Variants in PITPNC1 observed in about 807,000 individuals in gnomAD.
The protein encoded by PITPNC1 is phosphatidylinositol transfer protein cytoplasmic 1.
A neutral mutation model predicts 44.7 loss-of-function variants in PITPNC1; 18 were observed. The observed-to-expected ratio is 0.40, with a 90% CI of 0.28 to 0.60. The LOEUF is 0.60. Among genes scored for constraint, PITPNC1 ranks in the 20% least tolerant of loss-of-function variants. The pLI is 0.39. For synonymous variants in PITPNC1, 141 were observed against 149.6 expected (o/e 0.94, Z 0.42); for missense variants, 290 against 418.4 (o/e 0.69, Z 2.68).
At chr17:67,498,829 C>T (rs1340553332) in intron 1 of PITPNC1, among the ~76,000 whole-genome samples, 1 of 149,924 alleles carries the variant, frequency 6.7e-6, no homozygotes, top group Non-Finnish European at 1.5e-5. Flanking sequence ...TACTCATGTA[C>T]TCACTAGTCA....
rs200207207 is a variant in PITPNC1 at position 67,669,503 on chromosome 17, T to A, written c.463-5T>A. The A allele has an allele frequency of 2.0e-6, 3 of 1,504,328 alleles. No individual in the cohort carries two copies. The highest frequency in any genetic ancestry group is 2.9e-5 in the African/African-American group (2 of 68,742). The allele number at this position is 1,504,328 out of a possible 1,614,324, so 93.2% of individuals were successfully genotyped here. On this transcript the variant is annotated splice_region_variant and splice_polypyrimidine_tract_variant and intron_variant, in intron 6 of 8. Coordinates refer to ENST00000581322, the MANE Select transcript of PITPNC1 (RefSeq NM_012417.4). Reference sequence around the variant, plus strand: ...TATCAATTTCTTTGATTTTTTTTTTTCTAGGATCCTAAGCACTTCAAGTCA... The same window carrying A: ...TATCAATTTCTTTGATTTTTTTTTTACTAGGATCCTAAGCACTTCAAGTCA...
At chr17:67,602,877 CA>C (rs1448130669) in intron 5 of PITPNC1, among the ~76,000 whole-genome samples, 1 of 152,130 alleles carries the variant, frequency 6.6e-6, no homozygotes, top group South Asian at 2.1e-4. Flanking sequence ...GCTGGAACTA[CA>C]GGTGCATACC....
intron 1 of PITPNC1, among the ~76,000 whole-genome samples, chr17:67,517,574 T>C (rs1000085835): frequency 2.6e-5 from 4 of 152,232 alleles, no homozygotes; most frequent in Non-Finnish European, 5.9e-5. Flanking sequence ...TGGAATATTA[T>C]TCAGTAATAA....
At chr17:67,436,380 G>A (rs977512801) in intron 1 of PITPNC1, among the ~76,000 whole-genome samples, 4 of 152,058 alleles carry the variant, frequency 2.6e-5, no homozygotes, top group African/African-American at 9.7e-5. Flanking sequence ...TTATCTAAGC[G>A]ACAATCTGAG....
At chr17:67,531,175 G>A (rs566004931) in intron 1 of PITPNC1, among the ~76,000 whole-genome samples, 5 of 152,158 alleles carry the variant, frequency 3.3e-5, no homozygotes, top group African/African-American at 4.8e-5. Flanking sequence ...CCTGGGAGGC[G>A]GAGGTTGCAA....
intron 1 of PITPNC1, chr17:67,378,965 C>G: frequency 1.0e-6 from 1 of 985,170 alleles, no homozygotes; most frequent in Non-Finnish European, 1.2e-6. Flanking sequence ...GGCGGGGGCT[C>G]GTCCTCCAAG....
At chr17:67,405,890 A>T (rs530667802) in intron 1 of PITPNC1, among the ~76,000 whole-genome samples, 3 of 152,236 alleles carry the variant, frequency 2.0e-5, no homozygotes, top group African/African-American at 7.2e-5. Flanking sequence ...TACAAGTGTG[A>T]GCCACCATGC....
At chr17:67,441,460 T>A (rs1567991081) in intron 1 of PITPNC1, among the ~76,000 whole-genome samples, 1 of 152,148 alleles carries the variant, frequency 6.6e-6, no homozygotes, top group African/African-American at 2.4e-5. Context: ...AGACGGAAGC[T>A]AACATAAGCA....
intron 2 of PITPNC1, among the ~76,000 whole-genome samples, chr17:67,541,071 C>G (rs2040599544): frequency 6.6e-6 from 1 of 152,072 alleles, no homozygotes; most frequent in African/African-American, 2.4e-5. Flanking sequence ...AAAAATTCGC[C>G]AGGAGCGGTG....
At chr17:67,575,819 T>TTTCTTTCTTTCCTTCCTTCC (rs1555669446) in intron 4 of PITPNC1, among the ~76,000 whole-genome samples, 19 of 108,534 alleles carry the variant, frequency 1.8e-4, no homozygotes, top group African/African-American at 6.5e-4. Flanking sequence ...TCTTTCTTTC[T>TTTCTTTCTTTCCTTCCTTCC]TTCCTTCCTT....
At chr17:67,643,129 G>A (rs920832070) in intron 6 of PITPNC1, among the ~76,000 whole-genome samples, 9 of 152,204 alleles carry the variant, frequency 5.9e-5, no homozygotes, top group African/African-American at 2.2e-4. Flanking sequence ...GCCAGGTGCA[G>A]TGGCTCACGC....
intron 1 of PITPNC1, among the ~76,000 whole-genome samples, chr17:67,506,961 T>A (rs2040112124): frequency 6.6e-6 from 1 of 152,216 alleles, no homozygotes; most frequent in Admixed American, 6.5e-5. Flanking sequence ...AGTTTCCTTA[T>A]TCTAATTTTT....
At chr17:67,642,738 C>T (rs145184798) in intron 6 of PITPNC1, among the ~76,000 whole-genome samples, 26 of 152,198 alleles carry the variant, frequency 1.7e-4, no homozygotes, top group African/African-American at 6.3e-4. Context: ...TTCTCTTGGC[C>T]TAATAATGCG....
At position 67,694,101 on chromosome 17, in the gene PITPNC1, A is replaced by G. The variant is rs1043218963; in HGVS notation, c.*1213A>G. The G allele has an allele frequency of 3.3e-5, 5 of 152,182 alleles. No individual in the cohort carries two copies. Among genetic ancestry groups the G allele is most frequent in the African/African-American group, 1.2e-4 (5 of 41,444 alleles). 9.4% of individuals were successfully genotyped at this position (152,182 alleles called of 1,614,324 possible). On this transcript the variant is annotated 3_prime_UTR_variant, in exon 9 of 9. Coordinates refer to ENST00000581322, the MANE Select transcript of PITPNC1 (RefSeq NM_012417.4). ...CCTTCTGTCTAGCTTTCCTTTCTTC[A>G]ACTAGTGGTAATGCAAGATTAGAAT... is the stretch of plus-strand genomic sequence containing the variant.
intron 1 of PITPNC1, among the ~76,000 whole-genome samples, chr17:67,439,570 C>A (rs1226195528): frequency 6.6e-6 from 1 of 152,004 alleles, no homozygotes; most frequent in African/African-American, 2.4e-5. Context: ...CAGCCTTGGG[C>A]GGGGGCCTGA....
chr17:67,404,489 G>A (rs1380237632), intron 1 of PITPNC1, among the ~76,000 whole-genome samples: 1 of 152,148 alleles, frequency 6.6e-6, no homozygotes, highest in Non-Finnish European at 1.5e-5. Flanking sequence ...GAGAATGTGT[G>A]ATAATCTAAA....
intron 1 of PITPNC1, among the ~76,000 whole-genome samples, chr17:67,436,968 G>A (rs1377562099): frequency 4.6e-5 from 6 of 130,544 alleles, no homozygotes; most frequent in Non-Finnish European, 7.7e-5. Flanking sequence ...TGCCCAGGCT[G>A]GAGTACAGTG....
At chr17:67,610,422 T>G (rs2041672449) in intron 5 of PITPNC1, among the ~76,000 whole-genome samples, 1 of 152,220 alleles carries the variant, frequency 6.6e-6, no homozygotes, top group African/African-American at 2.4e-5. Context: ...GGAAATTGTT[T>G]TTCCTAATTT....
At position 67,562,593 on chromosome 17, in the gene PITPNC1, T is replaced by C. The variant is rs76979644; in HGVS notation, c.294+8976T>C. Among the ~76,000 whole-genome samples, 398 of 152,286 alleles carry C rather than the reference T, an allele frequency of 2.6e-3. 1 individual carries two copies. The highest frequency in any genetic ancestry group is 4.9e-3 in the Non-Finnish European group (332 of 68,044). On this transcript the variant is annotated intron_variant, in intron 4 of 8. Transcript: ENST00000581322. Reference sequence around the variant, plus strand: ...CTCACTTTTGTGGAACTATCTTCTTTGCAATTTTTTTCTCCAACTACCCTG... The same window carrying C: ...CTCACTTTTGTGGAACTATCTTCTTCGCAATTTTTTTCTCCAACTACCCTG...
Sources: gnomAD v4.1 joint callset for allele counts (sites outside exome capture counted in the v4.1 genomes callset) on GRCh38, gnomAD v4.1.1 for gene constraint, MANE v1.5 for transcripts, NCBI Gene and HGNC (gene_info 2026-07-23, HGNC 2026-07-21) for gene names.